The following FNTB variants were observed in gnomAD, a reference collection of about 807,000 sequenced individuals.
FNTB encodes farnesyltransferase, CAAX box, subunit beta.
A neutral mutation model predicts 59.4 loss-of-function variants in FNTB; 27 were observed. That is an observed-to-expected ratio of 0.45 (90% CI 0.34 to 0.63). FNTB has a LOEUF of 0.63. Among genes scored for constraint, FNTB ranks in the 20% least tolerant of loss-of-function variants. The pLI is 0.02. For synonymous variants in FNTB, 230 were observed against 220.7 expected, an observed-to-expected ratio of 1.04 and a Z score of -0.37; for missense variants, 449 against 559.6, an observed-to-expected ratio of 0.80 and a Z score of 1.99.
rs2062863069 is a variant in FNTB at position 65,061,381 on chromosome 14, A to G, written c.*69A>G. 2 of 1,601,744 alleles carry G rather than the reference A, an allele frequency of 1.2e-6. No homozygotes were observed. The highest frequency in any genetic ancestry group is 2.7e-5 in the African/African-American group (2 of 74,656). ...TCAGACAAGGTTTATACGTTTCAAT[A>G]CATACTGCATTCTGTGCTACACAAG... On this transcript the variant is annotated 3_prime_UTR_variant, in exon 12 of 12. Coordinates refer to ENST00000246166, the MANE Select transcript of FNTB (RefSeq NM_002028.4).
intron 4 of FNTB, among the ~76,000 whole-genome samples, chr14:65,017,174 C>T (rs1016106595): frequency 2.6e-5 from 4 of 152,216 alleles, no homozygotes; most frequent in East Asian, 1.9e-4. Context: ...CTACCTGCCT[C>T]GGCCTCCCAA....
intron 1 of FNTB, among the ~76,000 whole-genome samples, chr14:65,002,590 C>T (rs1166776898): frequency 6.6e-6 from 1 of 151,940 alleles, no homozygotes; most frequent in Non-Finnish European, 1.5e-5. Context: ...GCCTGGATGA[C>T]AGAGACTCCG....
chr14:65,056,920 A>G (rs1010742725), intron 11 of FNTB, among the ~76,000 whole-genome samples: 1 of 152,210 alleles, frequency 6.6e-6, no homozygotes, highest in African/African-American at 2.4e-5. Context: ...GCTTCTGGCA[A>G]GGGTTGTGCT....
intron 2 of FNTB, 83 bp downstream of exon 2, chr14:65,004,396 T>C (rs1266163429): frequency 2.8e-6 from 4 of 1,429,588 alleles, no homozygotes; most frequent in Non-Finnish European, 3.9e-6. Flanking sequence ...TGAGCGAATC[T>C]AACCACGGGG....
Position 65,027,395 on chromosome 14 carries a change from T to G in FNTB, c.375-58T>G. 1 of 1,598,210 alleles carries G rather than the reference T, an allele frequency of 6.3e-7. No individual in the cohort carries two copies. The highest frequency in any genetic ancestry group is 1.1e-5 in the South Asian group (1 of 88,686). On this transcript the variant is annotated intron_variant, in intron 4 of 11. Coordinates refer to ENST00000246166, the MANE Select transcript of FNTB (RefSeq NM_002028.4). This position sits in a 1 kb window ranked among gnomAD's most constrained non-coding sequence, Gnocchi z 5.7. ...AAAGGCCTGGAATCTAGTGGGAATT[T>G]GGTGTTTTGACATGAATGCTCTCTG...
Position 65,004,317 on chromosome 14 carries a change from A to G in FNTB, c.209+4A>G, listed in dbSNP as rs941806881. On this transcript the variant is annotated splice_donor_region_variant and intron_variant, in intron 2 of 11. Transcript: ENST00000246166. ...AGTTCAACCACCTTGTACCAAGGTA[A>G]GCTGTGGTTAGGAGTTTGAGGGGAT... is the stretch of plus-strand genomic sequence containing the variant. 1 of 1,612,578 alleles carries G rather than the reference A, an allele frequency of 6.2e-7. No individual in the cohort carries two copies. The highest frequency in any genetic ancestry group is 8.5e-7 in the Non-Finnish European group (1 of 1,179,244).
chr14:65,009,505 A>G lies in FNTB; in HGVS notation c.210-2812A>G, dbSNP rs1355833998. 1.3e-5 allele frequency among the ~76,000 whole-genome samples: 2 copies of G among 152,038 alleles called. No homozygotes were observed. The highest frequency in any genetic ancestry group is 6.6e-5 in the Admixed American group (1 of 15,248). On this transcript the variant is annotated intron_variant, in intron 2 of 11. Coordinates refer to ENST00000246166, the MANE Select transcript of FNTB (RefSeq NM_002028.4). The surrounding 1 kb of genome is among the most constrained non-coding windows in gnomAD (Gnocchi z 4.2). Reference sequence around the variant, plus strand: ...GACTTTCCTGTTTCCTTCTTCCCACATCAGAGACCTATATTTCGCTAGCTT... The same window carrying G: ...GACTTTCCTGTTTCCTTCTTCCCACGTCAGAGACCTATATTTCGCTAGCTT...
rs779680326 is a variant in FNTB, at chr14:65,027,425, T to C, written c.375-28T>C. 2.5e-6 allele frequency: 4 copies of C among 1,612,528 alleles called. No individual in the cohort carries two copies. The South Asian group carries it at 3.3e-5, about 13-fold the overall frequency. ...TTTTGACATGAATGCTCTCTGACTT[T>C]GTTTTTGCCCTTTGGCTGTGTACCT... is the stretch of plus-strand genomic sequence containing the variant. On this transcript the variant is annotated intron_variant, in intron 4 of 11. Transcript: ENST00000246166. The surrounding 1 kb of genome is among the most constrained non-coding windows in gnomAD (Gnocchi z 5.7).
rs750198603 is a variant in FNTB at position 65,047,455 on chromosome 14, C to T, written c.955+3012C>T. ...TAGCTCACTTGTAGTAAAAGAAATG[C>T]TAATCAAAAGAGTGGCACTATTTGT... On this transcript the variant is annotated intron_variant, in intron 9 of 11. Transcript: ENST00000246166. The surrounding 1 kb of genome is among the most constrained non-coding windows in gnomAD (Gnocchi z 5.2). 1.3e-5 allele frequency among the ~76,000 whole-genome samples: 2 copies of T among 152,152 alleles called. No individual in the cohort carries two copies. Among genetic ancestry groups the T allele is most frequent in the Non-Finnish European group, 2.9e-5 (2 of 68,034 alleles).
chr14:65,015,804 G>T, intron 4 of FNTB, 88 bp downstream of exon 4: 2 of 1,482,106 alleles, frequency 1.3e-6, no homozygotes, highest in African/African-American at 1.4e-5. Flanking sequence ...TGTTTGTTTG[G>T]AATGGAAAAA....
intron 2 of FNTB, among the ~76,000 whole-genome samples, chr14:65,004,733 G>A (rs2061554982): frequency 6.6e-6 from 1 of 151,996 alleles, no homozygotes; most frequent in Non-Finnish European, 1.5e-5. Context: ...CACAATCTCG[G>A]CTCTCTGGAA....
rs1364538823 is a variant in FNTB at position 65,012,714 on chromosome 14, C to A, written c.282+325C>A. On this transcript the variant is annotated intron_variant, in intron 3 of 11. Coordinates refer to ENST00000246166, the MANE Select transcript of FNTB (RefSeq NM_002028.4). This position sits in a 1 kb window ranked among gnomAD's most constrained non-coding sequence, Gnocchi z 5.0. ...GCCAGTTACCTGTTCACCCTTAACCCTTTGCCCTATAAGCTGATCTAATTT... is the reference window on the plus strand; with the variant it reads ...GCCAGTTACCTGTTCACCCTTAACCATTTGCCCTATAAGCTGATCTAATTT... 1.3e-5 allele frequency among the ~76,000 whole-genome samples: 2 copies of A among 152,216 alleles called. No individual in the cohort carries two copies. The highest frequency in any genetic ancestry group is 2.4e-5 in the African/African-American group (1 of 41,460).
rs1418876565 is a variant in FNTB at position 65,007,225 on chromosome 14, T to G, written c.209+2912T>G. On this transcript the variant is annotated intron_variant, in intron 2 of 11. Coordinates refer to ENST00000246166, the MANE Select transcript of FNTB (RefSeq NM_002028.4). The surrounding 1 kb of genome is among the most constrained non-coding windows in gnomAD (Gnocchi z 4.9). ...TTAGAAAATTTATCAGAATTTTAAA[T>G]CATTATCACAGTCTCAATATTTAAC... Among the ~76,000 whole-genome samples the G allele has an allele frequency of 1.3e-5, 2 of 152,228 alleles. No homozygotes were observed. Among genetic ancestry groups the G allele is most frequent in the African/African-American group, 4.8e-5 (2 of 41,452 alleles).
In FNTB at chr14:65,032,687, G is replaced by T; in HGVS notation, c.683G>T (p.Trp228Leu). Residue 228 changes from tryptophan (W) to leucine (L), a missense_variant, in exon 7 of 12, where the codon TGG becomes TTG. By Grantham distance (61) the Trp-to-Leu change is moderately conservative. Transcript: ENST00000246166. The surrounding 1 kb of genome is among the most constrained non-coding windows in gnomAD (Gnocchi z 5.0). ...GACCTCTTTGAGGGCACTGCTGAAT[G>T]GATAGCAAGGTGAGAGAAGCCAGGG... ...TPDLFEGTAE[W>L]IARCQNWEGG... 1 of 1,613,512 alleles carries T rather than the reference G, an allele frequency of 6.2e-7. No individual in the cohort carries two copies.
In FNTB at chr14:64,991,510, A is replaced by G. The variant is rs1346781050; in HGVS notation, c.144+4413A>G. On this transcript the variant is annotated intron_variant, in intron 1 of 11. Transcript: ENST00000246166. The surrounding 1 kb of genome is among the most constrained non-coding windows in gnomAD (Gnocchi z 4.4). ...TACCAGCTACTCAGGACACTGAGGC[A>G]GGTGAATCTCTTTAACCTGGGAGGC... is the stretch of plus-strand genomic sequence containing the variant. 2.0e-5 allele frequency among the ~76,000 whole-genome samples: 3 copies of G among 152,192 alleles called. No individual in the cohort carries two copies. Among genetic ancestry groups the G allele is most frequent in the African/African-American group, 4.8e-5 (2 of 41,444 alleles).
chr14:65,059,023 TTTTTC>T (rs959960643), intron 11 of FNTB, among the ~76,000 whole-genome samples: 6 of 152,286 alleles, frequency 3.9e-5, no homozygotes, highest in South Asian at 2.1e-4. Flanking sequence ...ACCTTTTTTC[TTTTTC>T]TTTTCTTTTT....
At chr14:65,021,756 G>A (rs2061890082) in intron 4 of FNTB, among the ~76,000 whole-genome samples, 1 of 152,052 alleles carries the variant, frequency 6.6e-6, no homozygotes, top group Non-Finnish European at 1.5e-5. Flanking sequence ...AGCGATTCTC[G>A]TGCTTCAGCC....
At chr14:65,043,650 G>A (rs71420487) in intron 8 of FNTB, among the ~76,000 whole-genome samples, 2 of 151,448 alleles carry the variant, frequency 1.3e-5, no homozygotes, top group South Asian at 2.1e-4. Flanking sequence ...GTGAAACCCC[G>A]TCTCTACTAA....
At chr14:65,040,981 A>G in intron 8 of FNTB, 62 bp downstream of exon 8, 7 of 1,589,484 alleles carry the variant, frequency 4.4e-6, no homozygotes, top group Non-Finnish European at 6.0e-6. Context: ...GATTGTACTC[A>G]GACATGCAGG....
Sources: gnomAD v4.1 joint callset for allele counts (sites outside exome capture counted in the v4.1 genomes callset) on GRCh38, gnomAD v4.1.1 for gene constraint, Gnocchi (gnomAD v3.1) non-coding constraint, MANE v1.5 for transcripts, NCBI Gene and HGNC (gene_info 2026-07-23, HGNC 2026-07-21) for gene names.